The following FABP7 variants were observed in gnomAD, a reference collection of about 807,000 sequenced individuals.
FABP7 encodes the protein fatty acid binding protein 7.
FABP7 carries 13 observed loss-of-function variants against 14.2 expected under a neutral mutation model. The observed-to-expected ratio is 0.91, with a 90% CI of 0.59 to 1.45. The LOEUF is 1.45. FABP7 is among the 40% of genes most tolerant of loss of function. FABP7 has a pLI of 0.00. For synonymous variants in FABP7, 49 were observed against 51.4 expected (o/e 0.95, Z 0.20); for missense variants, 149 against 157.6 (o/e 0.95, Z 0.29).
the FABP7 span, among the ~76,000 whole-genome samples, chr6:122,763,027 G>GA: frequency 6.6e-6 from 1 of 151,848 alleles, no homozygotes. Context: ...CACAGAATTG[G>GA]AAAAAAACTA....
chr6:122,779,771 C>T lies in FABP7; in HGVS notation c.-24C>T. The stretch of plus-strand genomic sequence containing the variant: ...TAGACCAGAAGATCCCCGCTCCTGT[C>T]TCTAAAGAGGGGAAAGGGCAAGGAT... On this transcript the variant is annotated 5_prime_UTR_variant, in exon 1 of 4. Coordinates refer to ENST00000368444, the MANE Select transcript of FABP7 (RefSeq NM_001446.5). The T allele has an allele frequency of 6.2e-7, 1 of 1,612,934 alleles. No individual in the cohort carries two copies. Among genetic ancestry groups the T allele is most frequent in the African/African-American group, 1.3e-5 (1 of 75,026 alleles).
Position 122,783,803 on chromosome 6 carries a change from G to A in FABP7, c.*36G>A. On this transcript the variant is annotated 3_prime_UTR_variant, in exon 4 of 4. Coordinates refer to ENST00000368444, the MANE Select transcript of FABP7 (RefSeq NM_001446.5). ...GGTCGGGGCTTGGAAGAGCTCTTCA[G>A]TTTTTCTGTTTCCTCAAGTCTCAGT... 2 of 1,542,956 alleles carry A rather than the reference G, an allele frequency of 1.3e-6. No homozygotes were observed. The highest frequency in any genetic ancestry group is 1.8e-6 in the Non-Finnish European group (2 of 1,122,612).
the FABP7 span, among the ~76,000 whole-genome samples, chr6:122,772,872 A>G: frequency 0.13 from 20,238 of 152,116 alleles, 2,168 homozygotes; most frequent in East Asian, 0.51. Context: ...TGGAATCCTC[A>G]TCCTTCCTGG....
At chr6:122,782,528 G>A in intron 3 of FABP7, 1 of 983,450 alleles carries the variant, frequency 1.0e-6, no homozygotes, top group South Asian at 4.7e-5. Flanking sequence ...TGATGGAGTA[G>A]TATCACAAAC....
Position 122,779,820 on chromosome 6 carries a change from G to A in FABP7, c.26G>A (p.Trp9Ter), listed in dbSNP as rs1780737375. The A allele has an allele frequency of 6.2e-7, 1 of 1,614,034 alleles. No individual in the cohort carries two copies. Among genetic ancestry groups the A allele is most frequent in the Admixed American group, 1.7e-5 (1 of 59,986 alleles). ...ATGGTGGAGGCTTTCTGTGCTACCT[G>A]GAAGCTGACCAACAGTCAGAACTTT... is the stretch of plus-strand genomic sequence containing the variant. MVEAFCAT[W>*]KLTNSQNFDE... The change falls in exon 1 of 4, where the codon TGG (tryptophan) becomes TAG (stop). Residue 9 changes from tryptophan to a stop codon, truncating the protein, a stop_gained. Coordinates refer to ENST00000368444, the MANE Select transcript of FABP7 (RefSeq NM_001446.5). LOFTEE classifies it high-confidence loss of function.
the FABP7 span, among the ~76,000 whole-genome samples, chr6:122,754,442 A>G: frequency 6.6e-6 from 1 of 152,216 alleles, no homozygotes; most frequent in African/African-American, 2.4e-5. Flanking sequence ...ACTGTGCTGC[A>G]GCTCTCAGAC....
At chr6:122,763,442 G>T in the FABP7 span, among the ~76,000 whole-genome samples, 1 of 152,290 alleles carries the variant, frequency 6.6e-6, no homozygotes, top group Admixed American at 6.5e-5. Context: ...AACCCTAGAA[G>T]AAAACCTAGG....
chr6:122,768,817 G>A, the FABP7 span, among the ~76,000 whole-genome samples: 5 of 151,976 alleles, frequency 3.3e-5, no homozygotes, highest in African/African-American at 1.2e-4. Flanking sequence ...TTAGTACTGA[G>A]GTCATGGATT....
the FABP7 span, among the ~76,000 whole-genome samples, chr6:122,764,555 A>G: frequency 6.6e-6 from 1 of 152,108 alleles, no homozygotes; most frequent in South Asian, 2.1e-4. Flanking sequence ...AAGAGAAAAC[A>G]AACAAGACAA....
the FABP7 span, among the ~76,000 whole-genome samples, chr6:122,755,447 A>T: frequency 6.8e-6 from 1 of 147,460 alleles, no homozygotes; most frequent in South Asian, 2.1e-4. Context: ...TACTCCTCCC[A>T]ATATGTTTTG....
chr6:122,772,676 C>T, the FABP7 span, among the ~76,000 whole-genome samples: 1 of 152,178 alleles, frequency 6.6e-6, no homozygotes, highest in African/African-American at 2.4e-5. Context: ...ACCTCTGCCT[C>T]TCAAAGTGCT....
chr6:122,751,273 T>A, the FABP7 span, among the ~76,000 whole-genome samples: 2 of 152,208 alleles, frequency 1.3e-5, no homozygotes, highest in Non-Finnish European at 2.9e-5. Context: ...ATTAAGTGTG[T>A]TAATATACGT....
the FABP7 span, among the ~76,000 whole-genome samples, chr6:122,759,150 C>G: frequency 6.6e-6 from 1 of 152,146 alleles, no homozygotes; most frequent in Non-Finnish European, 1.5e-5. Flanking sequence ...ACTTATGAAG[C>G]CTTTCCTTTT....
At chr6:122,758,112 T>A in the FABP7 span, among the ~76,000 whole-genome samples, 77 of 144,054 alleles carry the variant, frequency 5.3e-4, no homozygotes, top group African/African-American at 1.9e-3. Flanking sequence ...TAGCTTTTTT[T>A]TTTTTTTTTT....
the FABP7 span, among the ~76,000 whole-genome samples, chr6:122,770,291 A>G: frequency 2.0e-5 from 3 of 152,072 alleles, no homozygotes; most frequent in Non-Finnish European, 2.9e-5. Flanking sequence ...TAATTGTAAC[A>G]GCTTTTCATG....
chr6:122,766,089 G>C, the FABP7 span, among the ~76,000 whole-genome samples: 55 of 152,078 alleles, frequency 3.6e-4, no homozygotes, highest in African/African-American at 1.2e-3. Context: ...AACTGATAGA[G>C]TTCTGCTCTC....
chr6:122,763,268 G>A, the FABP7 span, among the ~76,000 whole-genome samples: 1 of 152,104 alleles, frequency 6.6e-6, no homozygotes, highest in Non-Finnish European at 1.5e-5. Context: ...TGACAAACCT[G>A]ACAAAAACAA....
intron 3 of FABP7, chr6:122,783,415 A>G (rs547731209): frequency 3.0e-6 from 3 of 985,086 alleles, no homozygotes; most frequent in Admixed American, 1.2e-4. Flanking sequence ...TGAGAAAACA[A>G]CGTAGACACT....
chr6:122,766,493 G>A, the FABP7 span, among the ~76,000 whole-genome samples: 1 of 152,066 alleles, frequency 6.6e-6, no homozygotes, highest in African/African-American at 2.4e-5. Flanking sequence ...CATCCTGGAG[G>A]CAGATGGTAG....
Sources: allele counts gnomAD v4.1 joint callset (sites outside exome capture counted in the v4.1 genomes callset), GRCh38; gene constraint gnomAD v4.1.1; transcripts MANE v1.5; gene names NCBI Gene and HGNC (gene_info 2026-07-23, HGNC 2026-07-21).